The following ACSM3 variants were observed in gnomAD, a reference collection of about 807,000 sequenced individuals.
The protein encoded by ACSM3 is acyl-CoA synthetase medium chain family member 3, also known as acyl-coenzyme A synthetase ACSM3, mitochondrial.
A neutral mutation model predicts 74.1 loss-of-function variants in ACSM3; 61 were observed. The ratio of observed to expected loss-of-function variants is 0.82; its 90% confidence interval spans 0.67 to 1.02. The LOEUF (loss-of-function observed/expected upper bound fraction) is 1.02, where lower values mean the gene tolerates loss of function less well. Among genes scored for constraint, ACSM3 ranks in the 50% least tolerant of loss-of-function variants. ACSM3 has a pLI of 0.00. For missense variants in ACSM3, 660 were observed against 697.0 expected, an observed-to-expected ratio of 0.95 and a Z score of 0.60; for synonymous variants, 213 against 241.5, an observed-to-expected ratio of 0.88 and a Z score of 1.09.
At chr16:20,777,249 A>G (rs973291793) in intron 3 of ACSM3, 124 bp from the exon 4 acceptor site, 15 of 887,888 alleles carry the variant, frequency 1.7e-5, no homozygotes, top group Non-Finnish European at 2.5e-5. Flanking sequence ...ATAAATAGAT[A>G]TCTTCCTGGT....
At chr16:20,704,293 C>T (rs775628999) in intron 1 of ACSM3, among the ~76,000 whole-genome samples, 1 of 152,104 alleles carries the variant, frequency 6.6e-6, no homozygotes, top group Non-Finnish European at 1.5e-5. Context: ...AGTATTATTA[C>T]TACGTTTTTA....
chr16:20,743,489 A>G (rs1311026517), intron 1 of ACSM3, among the ~76,000 whole-genome samples: 2 of 152,224 alleles, frequency 1.3e-5, no homozygotes, highest in African/African-American at 4.8e-5. Context: ...TGTTTAAAAA[A>G]CAAGTGCTTC....
intron 1 of ACSM3, among the ~76,000 whole-genome samples, chr16:20,732,354 T>G (rs1305439408): frequency 1.3e-5 from 2 of 152,162 alleles, no homozygotes; most frequent in African/African-American, 4.8e-5. Context: ...TATTCAACAA[T>G]TTCTCCATTA....
Position 20,742,149 on chromosome 16 carries a change from A to G in ACSM3, c.-189-7761A>G, listed in dbSNP as rs1171827814. ...AAGTTAAATATTAAATTTGAACTCA[A>G]TTGAACGTGGACACAATGGTCAAGT... On this transcript the variant is annotated intron_variant, in intron 1 of 3. Coordinates refer to the ACSM3 transcript ENST00000561584. 1.6e-5 allele frequency: 15 copies of G among 940,822 alleles called. No homozygotes were observed. In the Admixed American group the frequency reaches 1.8e-4, roughly 11 times the overall value. 58.3% of individuals were successfully genotyped at this position (940,822 alleles called of 1,614,324 possible).
At position 20,796,095 on chromosome 16, in the gene ACSM3, TG is replaced by T. The variant is rs536565463; in HGVS notation, c.1555-273del. On this transcript the variant is annotated intron_variant, in intron 12 of 13. Coordinates refer to ENST00000289416, the MANE Select transcript of ACSM3 (RefSeq NM_005622.4). ...TGAACTGTTCCCTTCAACAAAGACA[TG>T]GCAAACTCAGCGTGACTACTGTTTA... 4.0e-3 allele frequency: 1,317 copies of T among 332,378 alleles called. 13 individuals carry two copies. Among genetic ancestry groups the T allele is most frequent in the African/African-American group, 0.027 (1,261 of 47,084 alleles). 20.6% of individuals were successfully genotyped at this position (332,378 alleles called of 1,614,324 possible).
chr16:20,796,848 A>C, intron 13 of ACSM3, 38 bp from the exon 14 acceptor site: 2 of 1,606,572 alleles, frequency 1.2e-6, no homozygotes, highest in Non-Finnish European at 1.7e-6. Context: ...TAAAGATAAA[A>C]ATTTCCAGGC....
At chr16:20,716,637 T>C (rs1260848330) in intron 1 of ACSM3, among the ~76,000 whole-genome samples, 1 of 152,204 alleles carries the variant, frequency 6.6e-6, no homozygotes, top group East Asian at 1.9e-4. Context: ...CTGCTACATT[T>C]CTACTCCCAC....
chr16:20,725,461 C>A, intron 1 of ACSM3: 1 of 210,728 alleles, frequency 4.7e-6, no homozygotes, highest in South Asian at 1.0e-4. Flanking sequence ...CAGAAATTTC[C>A]ACTTGAACCA....
At chr16:20,676,540 C>T (rs1034394337) in intron 1 of ACSM3, among the ~76,000 whole-genome samples, 2 of 152,114 alleles carry the variant, frequency 1.3e-5, no homozygotes, top group African/African-American at 2.4e-5. Flanking sequence ...TTAGAAGCTC[C>T]GTAGGTGTGA....
chr16:20,755,783 C>CA lies in ACSM3; in HGVS notation c.-52+167_-52+168insA, dbSNP rs1215956538. ...TATATCTCCTAATGCTATCCCTCCC[C>CA]CCCCCCCACCCCACAGCAGTCCCCA... is the stretch of plus-strand genomic sequence containing the variant. On this transcript the variant is annotated intron_variant, in intron 3 of 3. Coordinates refer to the ACSM3 transcript ENST00000561584. 1.1e-4 allele frequency among the ~76,000 whole-genome samples: 9 copies of CA among 78,386 alleles called. 1 individual carries two copies. The highest frequency in any genetic ancestry group is 7.8e-4 in the South Asian group (1 of 1,290). 51.4% of individuals were successfully genotyped at this position (78,386 alleles called of 152,430 possible). A position where few individuals can be genotyped will look rare whatever the true frequency, so the allele number is the denominator to read the frequency against.
intron 4 of ACSM3, 104 bp from the exon 5 acceptor site, chr16:20,780,610 C>G: frequency 6.2e-7 from 1 of 1,607,344 alleles, no homozygotes; most frequent in Middle Eastern, 1.7e-4. Flanking sequence ...GCACCTGATT[C>G]ATGACATGAA....
At chr16:20,789,374 C>T (rs1394794939) in intron 9 of ACSM3, 8 of 824,302 alleles carry the variant, frequency 9.7e-6, no homozygotes, top group African/African-American at 1.7e-5. Flanking sequence ...GCATTAATTA[C>T]TTAGCATGTA....
Position 20,742,792 on chromosome 16 carries a change from A to AATATATATATATATAT in ACSM3, c.-189-7111_-189-7096dup, listed in dbSNP as rs1216173827. ...AATCCAACATAGTCTGGTGCGTGTA[A>AATATATATATATATAT]ATATATATATATATATATATATTTT... On this transcript the variant is annotated intron_variant, in intron 1 of 3. Coordinates refer to the ACSM3 transcript ENST00000561584. Among the ~76,000 whole-genome samples, 13 of 136,416 alleles carry AATATATATATATATAT rather than the reference A, an allele frequency of 9.5e-5. No homozygotes were observed. In the East Asian group the frequency reaches 1.6e-3, roughly 17 times the overall value. The allele number at this position is 136,416 out of a possible 152,430, so 89.5% of individuals were successfully genotyped here.
chr16:20,691,662 T>C (rs1379663486), intron 1 of ACSM3, among the ~76,000 whole-genome samples: 2 of 151,964 alleles, frequency 1.3e-5, no homozygotes, highest in Non-Finnish European at 2.9e-5. Context: ...TATGATCCCA[T>C]CCCATGACTA....
intron 3 of ACSM3, among the ~76,000 whole-genome samples, chr16:20,758,158 T>C (rs956145911): frequency 9.9e-5 from 15 of 152,218 alleles, no homozygotes; most frequent in Non-Finnish European, 2.2e-4. Context: ...ATAAAATGAG[T>C]TAGGGAGGAT....
At chr16:20,733,400 A>G (rs2079843023) in intron 1 of ACSM3, among the ~76,000 whole-genome samples, 1 of 152,152 alleles carries the variant, frequency 6.6e-6, no homozygotes, top group African/African-American at 2.4e-5. Context: ...ATGAGTATAA[A>G]TAATTCAAAA....
chr16:20,700,199 A>G (rs919119345), intron 1 of ACSM3, among the ~76,000 whole-genome samples: 1 of 152,202 alleles, frequency 6.6e-6, no homozygotes, highest in Non-Finnish European at 1.5e-5. Flanking sequence ...CTTATTATAG[A>G]AAACCTATGA....
intron 1 of ACSM3, chr16:20,741,930 C>T (rs1437238856): frequency 1.3e-6 from 2 of 1,533,570 alleles, no homozygotes; most frequent in Admixed American, 3.9e-5. Flanking sequence ...TGATACCCGC[C>T]CAAGCCCCGC....
chr16:20,698,485 G>T (rs1217295610), intron 1 of ACSM3, among the ~76,000 whole-genome samples: 4 of 151,990 alleles, frequency 2.6e-5, no homozygotes, highest in African/African-American at 4.8e-5. Context: ...GGACCTTCTT[G>T]CTCTGGGCCT....
Sources: gnomAD v4.1 joint callset for allele counts (sites outside exome capture counted in the v4.1 genomes callset) on GRCh38, gnomAD v4.1.1 for gene constraint, MANE v1.5 for transcripts, NCBI Gene and HGNC (gene_info 2026-07-23, HGNC 2026-07-21) for gene names.